Variants in KMT2C observed in about 807,000 individuals in gnomAD.
KMT2C encodes lysine methyltransferase 2C, also known as histone-lysine N-methyltransferase 2C.
Under a neutral mutation model 507.9 loss-of-function variants are expected in KMT2C, and 88 were observed. That is an observed-to-expected ratio of 0.17 (90% CI 0.15 to 0.21). The LOEUF (loss-of-function observed/expected upper bound fraction) is 0.21, where lower values mean the gene tolerates loss of function less well. Among genes scored for constraint, KMT2C ranks in the 10% least tolerant of loss-of-function variants. The pLI, the probability that KMT2C is intolerant of heterozygous loss-of-function variation, is 1.00. For missense variants in KMT2C, 4,954 were observed against 5,957.8 expected (o/e 0.83, Z 5.55); for synonymous variants, 2,049 against 2,080.8 (o/e 0.98, Z 0.42).
intron 12 of KMT2C, 44 bp downstream of exon 12, chr7:152,250,809 C>T (rs756891202): frequency 1.2e-5 from 12 of 1,025,022 alleles, no homozygotes; most frequent in Non-Finnish European, 1.8e-5. Flanking sequence ...ATTGTATATA[C>T]ACATTTTCTT....
At chr7:152,307,438 C>T (rs779482457) in intron 6 of KMT2C, among the ~76,000 whole-genome samples, 15 of 151,920 alleles carry the variant, frequency 9.9e-5, no homozygotes, top group Non-Finnish European at 2.2e-4. Flanking sequence ...GTACAAATGG[C>T]GACACAAAAC....
intron 1 of KMT2C, among the ~76,000 whole-genome samples, chr7:152,374,927 A>T (rs1294888737): frequency 6.6e-6 from 1 of 152,160 alleles, no homozygotes; most frequent in Non-Finnish European, 1.5e-5. Flanking sequence ...CAAGGAAAAA[A>T]ATCCATGCAA....
At chr7:152,173,876 T>C (rs538090059) in intron 39 of KMT2C, among the ~76,000 whole-genome samples, 51 of 152,340 alleles carry the variant, frequency 3.3e-4, no homozygotes, top group Middle Eastern at 3.4e-3. Context: ...GGAAATCCAA[T>C]CTTCCAAATC....
In KMT2C at chr7:152,368,408, T is replaced by C. The variant is rs10249801; in HGVS notation, c.162-9733A>G. 8.5e-3 allele frequency: 9,577 copies of C among 1,130,778 alleles called. 576 individuals carry two copies. The African/African-American group carries it at 0.13, about 15-fold the overall frequency. 70.0% of individuals were successfully genotyped at this position (1,130,778 alleles called of 1,614,324 possible). Reference sequence around the variant, plus strand: ...GAGTATGCAGCTAAAATGAAGAAGATAGAGATGGAGATGGAGCAGGTGTTA... The same window carrying C: ...GAGTATGCAGCTAAAATGAAGAAGACAGAGATGGAGATGGAGCAGGTGTTA... On this transcript the variant is annotated intron_variant, in intron 1 of 58. Transcript: ENST00000262189.
chr7:152,194,159 T>C, intron 30 of KMT2C, 31 bp from the exon 31 acceptor site: 1 of 1,565,600 alleles, frequency 6.4e-7, no homozygotes, highest in Non-Finnish European at 8.6e-7. Context: ...AGTAACAAGA[T>C]TAAAAGACTA....
rs2129097705 is a variant in KMT2C at position 152,152,906 on chromosome 7, T to C, written c.12325A>G (p.Ile4109Val). Residue 4109 changes from isoleucine (I) to valine (V), a missense_variant, in exon 49 of 59, where the codon ATC becomes GTC. Coordinates refer to ENST00000262189, the MANE Select transcript of KMT2C (RefSeq NM_170606.3). The stretch of plus-strand genomic sequence containing the variant: ...CTGCTAACCTCATAGCTGTTAGGGA[T>C]TCGGACGTGAAGAAGGTCGGAAAAT... ...AAFSDLLHVR[I>V]PNSYEVSSAP... 1 of 1,614,174 alleles carries C rather than the reference T, an allele frequency of 6.2e-7. No homozygotes were observed. Among genetic ancestry groups the C allele is most frequent in the Non-Finnish European group, 8.5e-7 (1 of 1,180,036 alleles).
At chr7:152,159,222 T>C (rs1465848980) in intron 43 of KMT2C, 150 bp from the exon 44 acceptor site, 1 of 661,392 alleles carries the variant, frequency 1.5e-6, no homozygotes, top group Admixed American at 2.7e-5. Flanking sequence ...AATGCTGGTT[T>C]TCCAAAAACA....
intron 26 of KMT2C, among the ~76,000 whole-genome samples, chr7:152,202,183 T>G (rs1266111056): frequency 6.6e-6 from 1 of 152,208 alleles, no homozygotes; most frequent in South Asian, 2.1e-4. Flanking sequence ...GAGGATGGCC[T>G]CTCAATGATA....
At chr7:152,255,116 T>TATATATATATATATATATATAC (rs2095628698) in intron 9 of KMT2C, among the ~76,000 whole-genome samples, 1 of 95,742 alleles carries the variant, frequency 1.0e-5, no homozygotes, top group Non-Finnish European at 1.8e-5. Context: ...CACTTATATA[T>TATATATATATATATATATATAC]ATATATATAT....
chr7:152,191,712 T>G (rs920717368), intron 31 of KMT2C, among the ~76,000 whole-genome samples: 23 of 152,228 alleles, frequency 1.5e-4, no homozygotes, highest in Non-Finnish European at 7.3e-5. Context: ...CAGAGCCCTT[T>G]ACAATCAGCA....
Position 152,163,193 on chromosome 7 carries a change from A to G in KMT2C, c.10384T>C (p.Phe3462Leu), listed in dbSNP as rs1278823165. 29 of 1,614,164 alleles carry G rather than the reference A, an allele frequency of 1.8e-5. No individual in the cohort carries two copies. Among genetic ancestry groups the G allele is most frequent in the Non-Finnish European group, 2.4e-5 (28 of 1,180,014 alleles). The change falls in exon 43 of 59, where the codon TTT (phenylalanine) becomes CTT (leucine). Residue 3462 changes from phenylalanine to leucine, a missense_variant. This residue lies in a region of KMT2C where 801 missense variants were observed against 751.2 expected (regional missense o/e 1.07). Coordinates refer to ENST00000262189, the MANE Select transcript of KMT2C (RefSeq NM_170606.3). ...PFYSSDLPCD[F>L]MQPLGPLQQS... ...TGAAGGGGTCCTAGAGGTTGCATAA[A>G]ATCACAAGGTAAGTCGGAACTGTAG...
chr7:152,177,381 G>C lies in KMT2C; in HGVS notation c.8072C>G (p.Ser2691Cys), dbSNP rs753744599. The change falls in exon 38 of 59, where the codon TCT becomes TGT. Residue 2691 changes from serine (S) to cysteine (C), a missense_variant. Ser to Cys is a moderately radical substitution (Grantham distance 112). Around this residue, in one of 29 missense-constraint regions of KMT2C, gnomAD observed 1,689 missense variants for 1,654.3 expected, o/e 1.02. Coordinates refer to ENST00000262189, the MANE Select transcript of KMT2C (RefSeq NM_170606.3). ...PSDGLEEKLD[S>C]DDPSVKELDV... ...CAGTTCCTTCACAGAAGGGTCATCA[G>C]AATCAAGTTTTTCCTCTAGACCATC... is the stretch of plus-strand genomic sequence containing the variant. The C allele has an allele frequency of 6.2e-7, 1 of 1,614,180 alleles. No homozygotes were observed. Among genetic ancestry groups the C allele is most frequent in the Non-Finnish European group, 8.5e-7 (1 of 1,180,022 alleles).
intron 14 of KMT2C, among the ~76,000 whole-genome samples, chr7:152,245,913 A>G (rs2095464485): frequency 6.6e-6 from 1 of 152,196 alleles, no homozygotes; most frequent in African/African-American, 2.4e-5. Flanking sequence ...TGCTTACATC[A>G]CAATCACAGC....
chr7:152,424,768 G>T (rs2097801071), intron 1 of KMT2C, among the ~76,000 whole-genome samples: 1 of 152,100 alleles, frequency 6.6e-6, no homozygotes, highest in African/African-American at 2.4e-5. Context: ...GTATTCAACA[G>T]GCAAGTCAAC....
intron 9 of KMT2C, among the ~76,000 whole-genome samples, chr7:152,262,713 G>A (rs2095800375): frequency 6.6e-6 from 1 of 152,098 alleles, no homozygotes; most frequent in Admixed American, 6.6e-5. Flanking sequence ...AGTATATGAA[G>A]CTTTTATTAA....
chr7:152,379,732 A>G (rs1030159515), intron 1 of KMT2C, among the ~76,000 whole-genome samples: 7 of 152,250 alleles, frequency 4.6e-5, no homozygotes, highest in African/African-American at 1.7e-4. Context: ...ACTCCATCAA[A>G]AAAGACAAGG....
intron 31 of KMT2C, among the ~76,000 whole-genome samples, chr7:152,193,300 G>C (rs1473485660): frequency 6.6e-6 from 1 of 152,010 alleles, no homozygotes; most frequent in Non-Finnish European, 1.5e-5. Flanking sequence ...CTTAATCCTA[G>C]GCTATCAAAT....
At chr7:152,151,634 G>A (rs2091627804) in intron 49 of KMT2C, 53 bp from the exon 50 acceptor site, 2 of 1,519,170 alleles carry the variant, frequency 1.3e-6, no homozygotes, top group South Asian at 2.3e-5. Flanking sequence ...GACACAAGGT[G>A]GCACATGGTG....
intron 31 of KMT2C, among the ~76,000 whole-genome samples, chr7:152,192,336 T>A (rs532581840): frequency 1.3e-3 from 197 of 151,076 alleles, no homozygotes; most frequent in Non-Finnish European, 2.3e-3. Context: ...AGGTCAGGAG[T>A]TTAAGGCCAG....
Sources: gnomAD v4.1 joint callset for allele counts (sites outside exome capture counted in the v4.1 genomes callset) on GRCh38, gnomAD v4.1.1 for gene constraint, gnomAD v4.1.1 regional missense constraint, MANE v1.5 for transcripts, NCBI Gene and HGNC (gene_info 2026-07-23, HGNC 2026-07-21) for gene names.